THRAP3: variants seen among roughly 807,000 people sequenced by gnomAD.
THRAP3 encodes thyroid hormone receptor associated protein 3.
In THRAP3, 16 loss-of-function variants were observed where a neutral mutation model predicts 101.0. The observed-to-expected ratio is 0.16, with a 90% CI of 0.11 to 0.24. The LOEUF (loss-of-function observed/expected upper bound fraction) is 0.24, where lower values mean the gene tolerates loss of function less well. Ranked by LOEUF, THRAP3 falls within the 10% of genes least tolerant of loss-of-function variation. The pLI, the probability that THRAP3 is intolerant of heterozygous loss-of-function variation, is 1.00. For missense variants in THRAP3, 989 were observed against 1,202.7 expected (o/e 0.82, Z 2.63); for synonymous variants, 407 against 422.6 (o/e 0.96, Z 0.45).
chr1:36,265,090 G>A (rs967498004), intron 2 of THRAP3, among the ~76,000 whole-genome samples: 1 of 152,136 alleles, frequency 6.6e-6, no homozygotes, highest in South Asian at 2.1e-4. Context: ...CTAGGGGTTA[G>A]GACTTCCCAT....
chr1:36,280,927 A>ATT (rs745845957), intron 2 of THRAP3, among the ~76,000 whole-genome samples: 3 of 145,394 alleles, frequency 2.1e-5, no homozygotes, highest in Non-Finnish European at 4.6e-5. Flanking sequence ...CTTTATTTTT[A>ATT]TTTATTTTTT....
At chr1:36,281,329 A>C (rs1369926874) in intron 2 of THRAP3, among the ~76,000 whole-genome samples, 1 of 152,216 alleles carries the variant, frequency 6.6e-6, no homozygotes, top group East Asian at 1.9e-4. Flanking sequence ...AACCTGTCTC[A>C]CATCTCCTCA....
Position 36,259,417 on chromosome 1 carries a change from G to C in THRAP3, c.-99G>C. ...TGACTTGTAAAGTGAAGAAGCCAGT[G>C]GTGCTGCGGGTGTTCTTTTGGGGTA... On this transcript the variant is annotated 5_prime_UTR_variant, in exon 2 of 12. Coordinates refer to ENST00000354618, the MANE Select transcript of THRAP3 (RefSeq NM_005119.4). 2.5e-6 allele frequency: 1 copy of C among 398,642 alleles called. No individual in the cohort carries two copies. Among genetic ancestry groups the C allele is most frequent in the Non-Finnish European group, 4.4e-6 (1 of 226,066 alleles). 24.7% of individuals were successfully genotyped at this position (398,642 alleles called of 1,614,324 possible). A position where few individuals can be genotyped will look rare whatever the true frequency, so the allele number is the denominator to read the frequency against.
intron 1 of THRAP3, among the ~76,000 whole-genome samples, chr1:36,252,954 ATATATATATATATAT>A (rs1645325320): frequency 7.1e-6 from 1 of 139,888 alleles, no homozygotes; most frequent in African/African-American, 2.6e-5. Flanking sequence ...ATATATATAT[ATATATATATATATAT>A]AAATGTAAAT....
At chr1:36,230,364 C>T (rs533300617) in intron 1 of THRAP3, among the ~76,000 whole-genome samples, 5 of 150,740 alleles carry the variant, frequency 3.3e-5, no homozygotes, top group East Asian at 2.0e-4. Context: ...GTGATCCGCC[C>T]GCTTCGGCCT....
At chr1:36,264,027 T>G (rs1645481623) in intron 2 of THRAP3, among the ~76,000 whole-genome samples, 1 of 152,240 alleles carries the variant, frequency 6.6e-6, no homozygotes, top group African/African-American at 2.4e-5. Context: ...GGAAGATACC[T>G]GATCACTTAT....
At chr1:36,301,833 G>A (rs1557461853) in intron 11 of THRAP3, 137 bp downstream of exon 11, 6 of 1,085,338 alleles carry the variant, frequency 5.5e-6, no homozygotes, top group Non-Finnish European at 5.3e-6. Flanking sequence ...ATGTGTACTT[G>A]CATAGTGCTA....
intron 1 of THRAP3, among the ~76,000 whole-genome samples, chr1:36,232,709 T>G (rs1285007006): frequency 1.3e-5 from 2 of 152,210 alleles, no homozygotes; most frequent in African/African-American, 4.8e-5. Flanking sequence ...CATTGTCAAG[T>G]CCTAGTTCAC....
In THRAP3 at chr1:36,250,602, A is replaced by T. The variant is rs1404022715; in HGVS notation, c.-134-8780A>T. 1.6e-4 allele frequency among the ~76,000 whole-genome samples: 25 copies of T among 152,152 alleles called. 1 individual carries two copies. The highest frequency in any genetic ancestry group is 2.9e-4 in the Non-Finnish European group (20 of 67,998). On this transcript the variant is annotated intron_variant, in intron 1 of 11. Transcript: ENST00000354618. The stretch of plus-strand genomic sequence containing the variant: ...GAATGTTTTCTAAGACTGACTTTAT[A>T]AGACACATTAAAAAAATATACCTTA...
At chr1:36,246,564 C>T (rs934847055) in intron 1 of THRAP3, among the ~76,000 whole-genome samples, 5 of 151,722 alleles carry the variant, frequency 3.3e-5, no homozygotes, top group African/African-American at 7.3e-5. Flanking sequence ...TAACATGGGC[C>T]GAGTGCGGTG....
At chr1:36,269,847 G>C (rs906708149) in intron 2 of THRAP3, among the ~76,000 whole-genome samples, 2 of 152,094 alleles carry the variant, frequency 1.3e-5, no homozygotes, top group African/African-American at 4.8e-5. Context: ...AAAGTGCTGG[G>C]ATTACAGGTG....
chr1:36,283,063 A>G (rs1251378300), intron 3 of THRAP3, among the ~76,000 whole-genome samples: 1 of 152,246 alleles, frequency 6.6e-6, no homozygotes, highest in Non-Finnish European at 1.5e-5. Flanking sequence ...CTGCAAAGAA[A>G]GGATAGCTAA....
chr1:36,284,174 C>A (rs551821465), intron 3 of THRAP3, among the ~76,000 whole-genome samples: 1 of 152,314 alleles, frequency 6.6e-6, no homozygotes, highest in Admixed American at 6.5e-5. Context: ...AAAATGTTAA[C>A]CAACTCTGAA....
At chr1:36,263,683 AGCCGCCAGCTGT>A (rs1645476809) in intron 2 of THRAP3, among the ~76,000 whole-genome samples, 1 of 152,150 alleles carries the variant, frequency 6.6e-6, no homozygotes, top group African/African-American at 2.4e-5. Flanking sequence ...ATTTTTTTTA[AGCCGCCAGCTGT>A]GCTATTCATT....
intron 2 of THRAP3, among the ~76,000 whole-genome samples, chr1:36,270,577 GT>G (rs869142351): frequency 2.9e-4 from 10 of 34,634 alleles, no homozygotes; most frequent in Admixed American, 2.6e-3. Flanking sequence ...TTAGGTTTTT[GT>G]TTTTTTTTTT....
At chr1:36,215,032 T>G in the THRAP3 span, among the ~76,000 whole-genome samples, 1 of 151,026 alleles carries the variant, frequency 6.6e-6, no homozygotes, top group Non-Finnish European at 1.5e-5. Context: ...CCATCCTGGC[T>G]AACACGATGA....
At chr1:36,232,443 C>A (rs1446927806) in intron 1 of THRAP3, among the ~76,000 whole-genome samples, 1 of 151,970 alleles carries the variant, frequency 6.6e-6, no homozygotes, top group African/African-American at 2.4e-5. Context: ...TAATAGTACT[C>A]CTCTTCAAAA....
chr1:36,281,263 C>G (rs1272884573), intron 2 of THRAP3, among the ~76,000 whole-genome samples: 1 of 152,146 alleles, frequency 6.6e-6, no homozygotes, highest in Non-Finnish European at 1.5e-5. Flanking sequence ...ACTAGATGTG[C>G]CACATACTCT....
At chr1:36,291,622 G>T in intron 6 of THRAP3, 76 bp downstream of exon 6, 1 of 1,523,958 alleles carries the variant, frequency 6.6e-7, no homozygotes, top group Non-Finnish European at 9.0e-7. Context: ...TGGATAAGGA[G>T]TTTTGGGGGA....
Sources: allele counts gnomAD v4.1 joint callset (sites outside exome capture counted in the v4.1 genomes callset), GRCh38; gene constraint gnomAD v4.1.1; transcripts MANE v1.5; gene names NCBI Gene and HGNC (gene_info 2026-07-23, HGNC 2026-07-21).